PIBF1: variants seen among roughly 807,000 people sequenced by gnomAD.
The protein encoded by PIBF1 is progesterone-induced-blocking factor 1.
In PIBF1, 90 loss-of-function variants were observed where a neutral mutation model predicts 112.5. The ratio of observed to expected loss-of-function variants is 0.80; its 90% CI spans 0.67 to 0.95. PIBF1 has a LOEUF of 0.95. PIBF1 is among the 40% of genes least tolerant of loss of function. PIBF1 has a pLI of 0.00. For synonymous variants in PIBF1, 301 were observed against 288.6 expected, an observed-to-expected ratio of 1.04 and a Z score of -0.44; for missense variants, 915 against 852.3, an observed-to-expected ratio of 1.07 and a Z score of -0.92.
chr13:72,810,136 A>G (rs2035940202), intron 5 of PIBF1, among the ~76,000 whole-genome samples: 1 of 152,138 alleles, frequency 6.6e-6, no homozygotes, highest in African/African-American at 2.4e-5. Flanking sequence ...GATCTTGTGT[A>G]TGGTACTTTA....
chr13:72,947,461 C>T (rs1186655334), intron 14 of PIBF1, among the ~76,000 whole-genome samples: 1 of 152,314 alleles, frequency 6.6e-6, no homozygotes, highest in Middle Eastern at 3.4e-3. Flanking sequence ...ACATTTTCAC[C>T]ATTGTCTTGG....
intron 10 of PIBF1, among the ~76,000 whole-genome samples, chr13:72,861,700 G>A (rs2038705126): frequency 6.6e-6 from 1 of 152,124 alleles, no homozygotes; most frequent in African/African-American, 2.4e-5. Context: ...TGAGTCGCTG[G>A]GACTACAGGT....
intron 10 of PIBF1, among the ~76,000 whole-genome samples, chr13:72,861,901 T>C (rs1210772168): frequency 1.3e-5 from 2 of 152,050 alleles, no homozygotes; most frequent in African/African-American, 2.4e-5. Flanking sequence ...AATGATAGTA[T>C]AGAAATAAAA....
intron 5 of PIBF1, among the ~76,000 whole-genome samples, chr13:72,803,037 C>T (rs1245532929): frequency 1.3e-5 from 2 of 152,146 alleles, no homozygotes; most frequent in African/African-American, 4.8e-5. Context: ...TTGTATTTAA[C>T]AAGGTCATTG....
At chr13:72,889,737 C>T (rs76861313) in intron 10 of PIBF1, among the ~76,000 whole-genome samples, 46 of 152,276 alleles carry the variant, frequency 3.0e-4, no homozygotes, top group African/African-American at 1.1e-3. Flanking sequence ...CACTATCTTA[C>T]TTTCAACCTG....
chr13:72,868,469 A>C (rs2039017037), intron 10 of PIBF1, among the ~76,000 whole-genome samples: 1 of 152,248 alleles, frequency 6.6e-6, no homozygotes, highest in Non-Finnish European at 1.5e-5. Flanking sequence ...TGTTAGCTTC[A>C]AAATAGTTTA....
intron 11 of PIBF1, among the ~76,000 whole-genome samples, chr13:72,907,821 A>G (rs1339802347): frequency 6.6e-6 from 1 of 152,100 alleles, no homozygotes; most frequent in Non-Finnish European, 1.5e-5. Flanking sequence ...ACATTTCCGT[A>G]TCACTAGAGG....
At chr13:72,826,171 T>C (rs1328889520) in intron 6 of PIBF1, among the ~76,000 whole-genome samples, 2 of 152,020 alleles carry the variant, frequency 1.3e-5, no homozygotes, top group African/African-American at 2.4e-5. Context: ...AAAATACGTA[T>C]AGTAATATGT....
chr13:72,849,947 A>G (rs2038054797), intron 9 of PIBF1, among the ~76,000 whole-genome samples: 1 of 152,248 alleles, frequency 6.6e-6, no homozygotes, highest in Admixed American at 6.5e-5. Context: ...TAAAGTGCTT[A>G]GGACGGCTTC....
intron 12 of PIBF1, among the ~76,000 whole-genome samples, chr13:72,912,453 G>A (rs969160802): frequency 1.7e-4 from 26 of 152,146 alleles, no homozygotes; most frequent in African/African-American, 6.0e-4. Context: ...TGAGGGAAAA[G>A]CAGATTAAAA....
At chr13:72,952,015 C>A (rs897973186) in intron 14 of PIBF1, among the ~76,000 whole-genome samples, 2 of 142,690 alleles carry the variant, frequency 1.4e-5, no homozygotes, top group African/African-American at 2.5e-5. Context: ...CTTTTAATTT[C>A]TTTCTTTCTT....
intron 14 of PIBF1, among the ~76,000 whole-genome samples, chr13:72,935,685 C>G (rs2041850757): frequency 6.6e-6 from 1 of 152,172 alleles, no homozygotes; most frequent in South Asian, 2.1e-4. Flanking sequence ...TCCAATTTTT[C>G]TACATCCTTG....
At position 72,836,087 on chromosome 13, in the gene PIBF1, A is replaced by C. The variant is rs1264687552; in HGVS notation, c.1223+719A>C. 6.7e-6 allele frequency: 3 copies of C among 448,382 alleles called. No homozygotes were observed. In the East Asian group the frequency reaches 2.1e-4, roughly 32 times the overall value. 27.8% of individuals were successfully genotyped at this position (448,382 alleles called of 1,614,324 possible). ...ACACTCCAGCCTTGGCGAAAGTGCG[A>C]GACACCATCTCAAAAAAAAAAAAGA... On this transcript the variant is annotated intron_variant, in intron 9 of 17. Coordinates refer to ENST00000326291, the MANE Select transcript of PIBF1 (RefSeq NM_006346.4).
At position 72,827,105 on chromosome 13, in the gene PIBF1, A is replaced by T; in HGVS notation, c.902A>T (p.Glu301Val). 6.4e-7 allele frequency: 1 copy of T among 1,565,970 alleles called. No homozygotes were observed. The highest frequency in any genetic ancestry group is 2.3e-5 in the East Asian group (1 of 43,714). The change falls in exon 7 of 18, where the codon GAA becomes GTA. Residue 301 changes from glutamate (E) to valine (V), a missense_variant. Glu to Val is a moderately radical substitution (Grantham distance 121, BLOSUM62 -2). Coordinates refer to ENST00000326291, the MANE Select transcript of PIBF1 (RefSeq NM_006346.4). Reference protein sequence around the residue: ...SHMIQTKERSELSKEVVTLEQ... With the variant: ...SHMIQTKERSVLSKEVVTLEQ... ...ATGATTCAAACAAAAGAACGAAGTG[A>T]ATTATCAAAAGAGGTAAGCTTATAA... is the stretch of plus-strand genomic sequence containing the variant.
intron 16 of PIBF1, among the ~76,000 whole-genome samples, chr13:72,979,375 C>T (rs943544823): frequency 2.6e-5 from 4 of 152,136 alleles, no homozygotes; most frequent in Non-Finnish European, 4.4e-5. Flanking sequence ...ATTTTATCCA[C>T]GTGTCCTTAG....
At chr13:72,885,027 T>C (rs2039789194) in intron 10 of PIBF1, among the ~76,000 whole-genome samples, 1 of 152,152 alleles carries the variant, frequency 6.6e-6, no homozygotes, top group Non-Finnish European at 1.5e-5. Flanking sequence ...CACGCATAGA[T>C]TCCTAAAATT....
Position 72,821,892 on chromosome 13 carries a change from G to C in PIBF1, c.716G>C (p.Arg239Thr). Residue 239 changes from arginine (R) to threonine (T), a missense_variant, in exon 6 of 18, where the codon AGA (arginine) becomes ACA (threonine). Physicochemically the swap from Arg to Thr is moderately conservative, Grantham distance 71. Coordinates refer to ENST00000326291, the MANE Select transcript of PIBF1 (RefSeq NM_006346.4). ...AAAAACTACTCTGAAGTTCAAATTAGATGTCAACGTTTGGCCTTAGAATTA... is the reference window on the plus strand; with the variant it reads ...AAAAACTACTCTGAAGTTCAAATTACATGTCAACGTTTGGCCTTAGAATTA... ...DRKNYSEVQI[R>T]CQRLALELAD... The C allele has an allele frequency of 6.2e-7, 1 of 1,612,808 alleles. No homozygotes were observed. Among genetic ancestry groups the C allele is most frequent in the Non-Finnish European group, 8.5e-7 (1 of 1,179,184 alleles).
intron 15 of PIBF1, among the ~76,000 whole-genome samples, chr13:72,972,151 A>C (rs548744187): frequency 3.3e-5 from 5 of 151,148 alleles, no homozygotes; most frequent in African/African-American, 4.9e-5. Flanking sequence ...CTCCTACCTC[A>C]TGCTTTGATG....
chr13:72,826,962 A>C (rs1348354214), intron 6 of PIBF1, 48 bp from the exon 7 acceptor site: 3 of 1,146,334 alleles, frequency 2.6e-6, no homozygotes. Flanking sequence ...TGTACGCTGT[A>C]CAAGGGGATG....
Sources: gnomAD v4.1 joint callset for allele counts (sites outside exome capture counted in the v4.1 genomes callset) on GRCh38, gnomAD v4.1.1 for gene constraint, MANE v1.5 for transcripts, NCBI Gene and HGNC (gene_info 2026-07-23, HGNC 2026-07-21) for gene names.